The following EVL variants were observed in gnomAD, a reference collection of about 807,000 sequenced individuals.
The protein encoded by EVL is Enah/Vasp-like.
EVL carries 21 observed loss-of-function variants against 59.6 expected under a neutral mutation model. That is an observed-to-expected ratio of 0.35 (90% CI 0.25 to 0.51). The LOEUF is 0.51. EVL is among the 20% of genes least tolerant of loss of function. The pLI, the probability that EVL is intolerant of heterozygous loss-of-function variation, is 0.97. For missense variants in EVL, 462 were observed against 546.6 expected, an observed-to-expected ratio of 0.85 and a Z score of 1.54; for synonymous variants, 198 against 203.5, an observed-to-expected ratio of 0.97 and a Z score of 0.23.
chr14:100,057,462 A>G (rs1455263470), intron 1 of EVL, among the ~76,000 whole-genome samples: 1 of 151,952 alleles, frequency 6.6e-6, no homozygotes, highest in Non-Finnish European at 1.5e-5. Flanking sequence ...TTTTCTGAGG[A>G]CAAGTCTCAG....
chr14:100,106,928 C>T, intron 3 of EVL: 1 of 398,704 alleles, frequency 2.5e-6, no homozygotes, highest in Non-Finnish European at 4.4e-6. Context: ...ACATGCTCCT[C>T]TTCTCCTCCA....
intron 1 of EVL, among the ~76,000 whole-genome samples, chr14:99,986,285 T>C (rs1458161334): frequency 5.9e-5 from 7 of 118,172 alleles, no homozygotes. Context: ...GAGTGGACTC[T>C]GTCTCAAAAA....
At chr14:100,116,093 TCA>T (rs1317070189) in intron 3 of EVL, among the ~76,000 whole-genome samples, 1 of 152,218 alleles carries the variant, frequency 6.6e-6, no homozygotes, top group African/African-American at 2.4e-5. Flanking sequence ...TTAGCCCAGT[TCA>T]CAGACTCCAT....
intron 2 of EVL, among the ~76,000 whole-genome samples, chr14:100,096,166 G>A (rs542312778): frequency 6.6e-6 from 1 of 152,210 alleles, no homozygotes; most frequent in Non-Finnish European, 1.5e-5. Flanking sequence ...ACTCATGTTT[G>A]CTGTCCTCTG....
chr14:100,053,308 A>C (rs2061675805), intron 1 of EVL, among the ~76,000 whole-genome samples: 1 of 151,956 alleles, frequency 6.6e-6, no homozygotes. Flanking sequence ...TCGCCTTCTA[A>C]TGGATATATT....
At chr14:100,047,127 T>TTTTTTTTTTTTTTACC (rs1367931877) in intron 1 of EVL, among the ~76,000 whole-genome samples, 1 of 139,958 alleles carries the variant, frequency 7.1e-6, no homozygotes, top group Non-Finnish European at 1.5e-5. Context: ...TCTTTTTTTT[T>TTTTTTTTTTTTTTACC]TTTTTTTTTT....
At chr14:100,028,419 C>A (rs1427166188) in intron 1 of EVL, among the ~76,000 whole-genome samples, 1 of 152,096 alleles carries the variant, frequency 6.6e-6, no homozygotes, top group African/African-American at 2.4e-5. Flanking sequence ...ATTTTTAAAT[C>A]AGAATATATG....
At chr14:100,083,660 A>G (rs571227270) in intron 1 of EVL, among the ~76,000 whole-genome samples, 1 of 152,308 alleles carries the variant, frequency 6.6e-6, no homozygotes, top group Admixed American at 6.5e-5. Flanking sequence ...TCATACTTTG[A>G]ACAAATGAGG....
chr14:100,022,633 A>G (rs1436065799), intron 1 of EVL, among the ~76,000 whole-genome samples: 1 of 152,172 alleles, frequency 6.6e-6, no homozygotes, highest in Non-Finnish European at 1.5e-5. Flanking sequence ...GCATTTACTT[A>G]TTGGACTATG....
chr14:99,980,002 G>C (rs957238914), intron 1 of EVL, among the ~76,000 whole-genome samples: 2 of 152,162 alleles, frequency 1.3e-5, no homozygotes, highest in Non-Finnish European at 2.9e-5. Context: ...CATTTGCATT[G>C]TATTAGGTGT....
At chr14:99,994,381 A>AT (rs200951287) in intron 1 of EVL, among the ~76,000 whole-genome samples, 194 of 150,056 alleles carry the variant, frequency 1.3e-3, no homozygotes, top group African/African-American at 4.2e-3. Context: ...TGTTTTATTG[A>AT]TTTTTTTTGT....
At chr14:100,090,333 A>G (rs1378322093) in intron 2 of EVL, among the ~76,000 whole-genome samples, 2 of 152,228 alleles carry the variant, frequency 1.3e-5, no homozygotes, top group African/African-American at 2.4e-5. Context: ...GGTAAACTTG[A>G]CAGCTTAGAT....
At chr14:100,133,734 T>G (rs2140393387) in intron 8 of EVL, among the ~76,000 whole-genome samples, 1 of 152,188 alleles carries the variant, frequency 6.6e-6, no homozygotes, top group South Asian at 2.1e-4. Context: ...GGTCAGGAGT[T>G]TGAGACCAGC....
At chr14:100,142,619 AGAGGG>A (rs1889255325) in intron 13 of EVL, among the ~76,000 whole-genome samples, 1 of 152,232 alleles carries the variant, frequency 6.6e-6, no homozygotes. Context: ...GGCTGATGGC[AGAGGG>A]AAGAGGCAGG....
In EVL at chr14:100,089,195, T is replaced by C. The variant is rs561536000; in HGVS notation, c.180+4340T>C. ...ACAAATTCAGAAGCATAGTTGGAGA[T>C]TCTAATCATACCTCCAAGCTACTAA... On this transcript the variant is annotated intron_variant, in intron 2 of 13. Coordinates refer to ENST00000392920, the MANE Select transcript of EVL (RefSeq NM_016337.3). Among the ~76,000 whole-genome samples, 3 of 152,276 alleles carry C rather than the reference T, an allele frequency of 2.0e-5. No individual in the cohort carries two copies. The South Asian group carries it at 6.2e-4, about 32-fold the overall frequency.
At position 99,995,443 on chromosome 14, in the gene EVL, C is replaced by T. The variant is rs547264897; in HGVS notation, c.5+23386C>T. ...CCCCTCTAGTTAATTTTTCAATTGGCTCTTCATAGTTTTTCTTTGTTGATA... is the reference window on the plus strand; with the variant it reads ...CCCCTCTAGTTAATTTTTCAATTGGTTCTTCATAGTTTTTCTTTGTTGATA... On this transcript the variant is annotated intron_variant, in intron 1 of 13. Transcript: ENST00000402714. Among the ~76,000 whole-genome samples the T allele has an allele frequency of 2.0e-5, 3 of 152,124 alleles. No individual in the cohort carries two copies. In the East Asian group the frequency reaches 5.8e-4, roughly 29 times the overall value.
At chr14:100,068,769 A>G (rs528952261) in intron 1 of EVL, among the ~76,000 whole-genome samples, 16 of 152,126 alleles carry the variant, frequency 1.1e-4, no homozygotes, top group Non-Finnish European at 1.9e-4. Context: ...CTGGGGTGCT[A>G]GCTGGAAGAA....
At chr14:100,100,735 A>G (rs1043680408) in intron 3 of EVL, among the ~76,000 whole-genome samples, 1 of 149,146 alleles carries the variant, frequency 6.7e-6, no homozygotes, top group Non-Finnish European at 1.5e-5. Context: ...CAGTGAGCCA[A>G]GATTGCACCA....
chr14:100,070,074 A>G (rs1023426305), intron 1 of EVL, among the ~76,000 whole-genome samples: 5 of 151,610 alleles, frequency 3.3e-5, no homozygotes, highest in African/African-American at 4.8e-5. Context: ...AAAAAAAAAA[A>G]AAAAAGAAAG....
Sources: gnomAD v4.1 joint callset for allele counts (sites outside exome capture counted in the v4.1 genomes callset) on GRCh38, gnomAD v4.1.1 for gene constraint, MANE v1.5 for transcripts, NCBI Gene and HGNC (gene_info 2026-07-23, HGNC 2026-07-21) for gene names.